The following DNM1 variants were observed in gnomAD, a reference collection of about 807,000 sequenced individuals.
DNM1 encodes the protein dynamin-1.
In DNM1, 29 loss-of-function variants were observed where a neutral mutation model predicts 104.6. The observed-to-expected ratio is 0.28, with a 90% CI of 0.21 to 0.38. The LOEUF (loss-of-function observed/expected upper bound fraction) is 0.38, where lower values mean the gene tolerates loss of function less well. Among genes scored for constraint, DNM1 ranks in the 10% least tolerant of loss-of-function variants. DNM1 has a pLI of 1.00. For missense variants in DNM1, 640 were observed against 1,189.4 expected (o/e 0.54, Z 6.79); for synonymous variants, 445 against 475.8 (o/e 0.94, Z 0.84).
chr9:128,222,925 G>A lies in DNM1; in HGVS notation c.1196+65G>A. 8.0e-6 allele frequency: 12 copies of A among 1,506,870 alleles called. No homozygotes were observed. Among genetic ancestry groups the A allele is most frequent in the Non-Finnish European group, 1.0e-5 (11 of 1,085,754 alleles). The allele number at this position is 1,506,870 out of a possible 1,614,324, so 93.3% of individuals were successfully genotyped here. A position where few individuals can be genotyped will look rare whatever the true frequency, so the allele number is the denominator to read the frequency against. ...GTAGGGGGTCTGGGACAGAGGCACAGGGAGTGATGAAGTGGGCCTCCCTCA... is the reference window on the plus strand; with the variant it reads ...GTAGGGGGTCTGGGACAGAGGCACAAGGAGTGATGAAGTGGGCCTCCCTCA... On this transcript the variant is annotated intron_variant, in intron 9 of 21. Transcript: ENST00000372923. This position sits in a 1 kb window ranked among gnomAD's most constrained non-coding sequence, Gnocchi z 7.8.
intron 10 of DNM1, chr9:128,233,812 C>T (rs979966274): frequency 8.6e-6 from 5 of 584,762 alleles, no homozygotes; most frequent in Non-Finnish European, 1.5e-5. Context: ...ACCCTTGAAT[C>T]ACCATTTGGA....
At chr9:128,244,891 C>T (rs944624161) in intron 15 of DNM1, 12 of 448,998 alleles carry the variant, frequency 2.7e-5, no homozygotes, top group Non-Finnish European at 5.3e-5. Flanking sequence ...CCCTGGAGAT[C>T]CGAGAACCCC....
intron 19 of DNM1, among the ~76,000 whole-genome samples, chr9:128,249,515 G>A (rs1829377080): frequency 6.6e-6 from 1 of 152,078 alleles, no homozygotes; most frequent in Non-Finnish European, 1.5e-5. Context: ...AATTAGCCGG[G>A]CGTGGTGGCA....
chr9:128,217,023 G>T (rs1403039484), intron 1 of DNM1, among the ~76,000 whole-genome samples: 1 of 152,194 alleles, frequency 6.6e-6, no homozygotes, highest in East Asian at 1.9e-4. Context: ...AGAGGGAGGT[G>T]GATGAAAAGA....
chr9:128,236,638 C>T (rs1836030104), intron 11 of DNM1, among the ~76,000 whole-genome samples: 2 of 151,996 alleles, frequency 1.3e-5, no homozygotes, highest in Admixed American at 1.3e-4. Flanking sequence ...ATTATATGAG[C>T]CCAGGAGTTT....
At chr9:128,235,677 C>G (rs1436384012) in intron 11 of DNM1, among the ~76,000 whole-genome samples, 1 of 152,010 alleles carries the variant, frequency 6.6e-6, no homozygotes, top group Non-Finnish European at 1.5e-5. Flanking sequence ...GAGTATATAC[C>G]TAAAAGTGGA....
rs1834772677 is a variant in DNM1 at position 128,218,860 on chromosome 9, C to T, written c.385+129C>T. 3 of 1,373,840 alleles carry T rather than the reference C, an allele frequency of 2.2e-6. No homozygotes were observed. The highest frequency in any genetic ancestry group is 1.9e-6 in the Non-Finnish European group (2 of 1,026,080). The allele number at this position is 1,373,840 out of a possible 1,614,324, so 85.1% of individuals were successfully genotyped here. The stretch of plus-strand genomic sequence containing the variant: ...CCTCTGCATCATCCTATTCCAAGCT[C>T]CACCCTGCCGTGATTCCGCCCACTT... On this transcript the variant is annotated intron_variant, in intron 3 of 21. Transcript: ENST00000372923. This position sits in a 1 kb window ranked among gnomAD's most constrained non-coding sequence, Gnocchi z 4.8.
At chr9:128,231,899 G>A (rs1000309489) in intron 10 of DNM1, 1 of 414,492 alleles carries the variant, frequency 2.4e-6, no homozygotes, top group African/African-American at 2.1e-5. Flanking sequence ...GGCTCCAGGG[G>A]CTGTGTCCCT....
At position 128,246,378 on chromosome 9, in the gene DNM1, C is replaced by G. The variant is rs1836816104; in HGVS notation, c.1672-16C>G. 6.3e-6 allele frequency: 10 copies of G among 1,596,722 alleles called. No homozygotes were observed. In the East Asian group the frequency reaches 2.0e-4, roughly 32 times the overall value. ...CAGTGCCAACCTCACCCCATTGCTCCTACCTGCACCCACAGGAGAAAGAGA... is the reference window on the plus strand; with the variant it reads ...CAGTGCCAACCTCACCCCATTGCTCGTACCTGCACCCACAGGAGAAAGAGA... On this transcript the variant is annotated splice_polypyrimidine_tract_variant and intron_variant, in intron 15 of 21. Transcript: ENST00000372923.
rs1272441165 is a variant in DNM1, at chr9:128,222,277, G to A, written c.930G>A (p.Glu310=). 1.9e-6 allele frequency: 3 copies of A among 1,614,216 alleles called. No homozygotes were observed. The South Asian group carries it at 3.3e-5, about 18-fold the overall frequency. ...LQSQLLSIEK[E]VEEYKNFRPD... is the part of the protein sequence containing the mutation. ...GCCAGCTACTGTCCATTGAGAAGGA[G>A]GTGGAGGAATACAAGAACTTCCGCC... is the stretch of plus-strand genomic sequence containing the variant. Residue 310 remains glutamate (E), a synonymous_variant, in exon 7 of 22, where the codon GAG becomes GAA. Transcript: ENST00000372923. The surrounding 1 kb of genome is among the most constrained non-coding windows in gnomAD (Gnocchi z 7.8).
intron 6 of DNM1, among the ~76,000 whole-genome samples, chr9:128,221,509 G>A (rs1835019346): frequency 6.6e-6 from 1 of 152,224 alleles, no homozygotes; most frequent in Admixed American, 6.5e-5. Flanking sequence ...GAGCATGAGT[G>A]CTAGAACTTG....
In DNM1 at chr9:128,238,071, T is replaced by A. The variant is rs7866584; in HGVS notation, c.1423-1374T>A. Among the ~76,000 whole-genome samples the A allele has an allele frequency of 2.8e-3, 430 of 151,316 alleles. 9 individuals carry two copies. The East Asian group carries it at 0.067, about 23-fold the overall frequency. On this transcript the variant is annotated intron_variant, in intron 11 of 21. Coordinates refer to ENST00000372923, the MANE Select transcript of DNM1 (RefSeq NM_004408.4). Reference sequence around the variant, plus strand: ...ATTACAGGCATGAGCCACCATTCCCTGCCCTGTGCATTTTAATGTTGTTAA... The same window carrying A: ...ATTACAGGCATGAGCCACCATTCCCAGCCCTGTGCATTTTAATGTTGTTAA...
At chr9:128,246,307 C>G (rs1836813419) in intron 15 of DNM1, 87 bp from the exon 16 acceptor site, 1 of 938,974 alleles carries the variant, frequency 1.1e-6, no homozygotes, top group Admixed American at 1.8e-5. Flanking sequence ...CTTAGAAGCC[C>G]TGGGCCAGTC....
chr9:128,205,827 C>T (rs555687442), intron 1 of DNM1, among the ~76,000 whole-genome samples: 7 of 152,174 alleles, frequency 4.6e-5, no homozygotes, highest in Non-Finnish European at 1.0e-4. Context: ...CAGATTTCAT[C>T]GAGTACTTGC....
intron 1 of DNM1, among the ~76,000 whole-genome samples, chr9:128,217,858 A>G (rs1019986342): frequency 2.0e-5 from 3 of 151,762 alleles, no homozygotes; most frequent in Non-Finnish European, 4.4e-5. Context: ...CCTGGGATCC[A>G]CTCTGTGGGC....
rs900076194 is a variant in DNM1, at chr9:128,222,901, T to G, written c.1196+41T>G. 6.3e-7 allele frequency: 1 copy of G among 1,593,790 alleles called. No individual in the cohort carries two copies. Among genetic ancestry groups the G allele is most frequent in the Non-Finnish European group, 8.6e-7 (1 of 1,162,548 alleles). ...TGGGAGGGTGGCTGAACCCCAGAAG[T>G]AGGGGGTCTGGGACAGAGGCACAGG... On this transcript the variant is annotated intron_variant, in intron 9 of 21. Coordinates refer to ENST00000372923, the MANE Select transcript of DNM1 (RefSeq NM_004408.4). This position sits in a 1 kb window ranked among gnomAD's most constrained non-coding sequence, Gnocchi z 7.8.
rs1444314448 is a variant in DNM1, at chr9:128,247,777, T to C, written c.1894-147T>C. On this transcript the variant is annotated intron_variant, in intron 17 of 21. Transcript: ENST00000372923. This position sits in a 1 kb window ranked among gnomAD's most constrained non-coding sequence, Gnocchi z 5.1. ...ACTGCCTTCTCTTTTCTCCCCTATT[T>C]CACTGTGGCGATGTCTAGAGTAGCC... The C allele has an allele frequency of 2.8e-6, 3 of 1,077,622 alleles. No homozygotes were observed. Among genetic ancestry groups the C allele is most frequent in the African/African-American group, 3.2e-5 (2 of 62,916 alleles). The allele number at this position is 1,077,622 out of a possible 1,614,324, so 66.8% of individuals were successfully genotyped here.
intron 11 of DNM1, among the ~76,000 whole-genome samples, chr9:128,234,470 T>C (rs1025899397): frequency 6.6e-6 from 1 of 152,116 alleles, no homozygotes; most frequent in African/African-American, 2.4e-5. Context: ...GTTCAAGTGA[T>C]TCTCTTGCCT....
chr9:128,245,953 G>T lies in DNM1; in HGVS notation c.1672-441G>T, dbSNP rs191523662. On this transcript the variant is annotated intron_variant, in intron 15 of 21. Coordinates refer to ENST00000372923, the MANE Select transcript of DNM1 (RefSeq NM_004408.4). This position sits in a 1 kb window ranked among gnomAD's most constrained non-coding sequence, Gnocchi z 5.2. ...CTTATTGCTAACACATGGGGAGCTC[G>T]GGGGAGTGGGCTGAGCCGGCCCTTT... Among the ~76,000 whole-genome samples, 314 of 152,342 alleles carry T rather than the reference G, an allele frequency of 2.1e-3. No individual in the cohort carries two copies. The highest frequency in any genetic ancestry group is 7.3e-3 in the African/African-American group (304 of 41,580).
Sources: gnomAD v4.1 joint callset for allele counts (sites outside exome capture counted in the v4.1 genomes callset) on GRCh38, gnomAD v4.1.1 for gene constraint, Gnocchi (gnomAD v3.1) non-coding constraint, MANE v1.5 for transcripts, NCBI Gene and HGNC (gene_info 2026-07-23, HGNC 2026-07-21) for gene names.